RANBP2: variants seen among roughly 807,000 people sequenced by gnomAD.
RANBP2 encodes the protein RAN binding protein 2, also known as E3 SUMO-protein ligase RanBP2.
Under a neutral mutation model 303.6 loss-of-function variants are expected in RANBP2, and 57 were observed. That is an observed-to-expected ratio of 0.19 (90% CI 0.15 to 0.23). RANBP2 has a LOEUF of 0.23. Among genes scored for constraint, RANBP2 ranks in the 10% least tolerant of loss-of-function variants. The pLI is 1.00. For missense variants in RANBP2, 3,138 were observed against 3,780.8 expected (o/e 0.83, Z 4.46); for synonymous variants, 1,167 against 1,301.5 (o/e 0.90, Z 2.23).
At chr2:109,539,910 CTTGT>C in the RANBP2 span, among the ~76,000 whole-genome samples, 10 of 152,148 alleles carry the variant, frequency 6.6e-5, no homozygotes, top group African/African-American at 9.7e-5. Flanking sequence ...TGAACCACAA[CTTGT>C]TTATGTGTTC....
chr2:109,104,578 G>A, the RANBP2 span, among the ~76,000 whole-genome samples: 1 of 151,908 alleles, frequency 6.6e-6, no homozygotes, highest in Non-Finnish European at 1.5e-5. Context: ...CCGCCTCCCG[G>A]GTTCGTGCCA....
the RANBP2 span, among the ~76,000 whole-genome samples, chr2:109,057,725 G>A: frequency 6.6e-6 from 1 of 152,320 alleles, no homozygotes; most frequent in African/African-American, 2.4e-5. Context: ...TGAGGGGCCT[G>A]GCTCTGCAGG....
At chr2:109,412,219 A>G in the RANBP2 span, among the ~76,000 whole-genome samples, 7 of 152,276 alleles carry the variant, frequency 4.6e-5, no homozygotes, top group Admixed American at 2.0e-4. Flanking sequence ...GCCTCTGCCC[A>G]GCAGACAAAA....
In RANBP2 at chr2:108,777,349, T is replaced by TG. The variant is rs1282852508; in HGVS notation, c.8599+118_8599+119insG. ...GAAGTTTCTTCCCTTACCCCCCAGT[T>TG]TGTTTTAGTGTTTTAATAATGAAGG... On this transcript the variant is annotated intron_variant, in intron 25 of 28. Coordinates refer to ENST00000283195, the MANE Select transcript of RANBP2 (RefSeq NM_006267.5). 2,295 of 709,862 alleles carry TG rather than the reference T, an allele frequency of 3.2e-3. 83 individuals carry two copies. The South Asian group carries it at 0.036, about 11-fold the overall frequency. The allele number at this position is 709,862 out of a possible 1,614,324, so 44.0% of individuals were successfully genotyped here. A position where few individuals can be genotyped will look rare whatever the true frequency, so the allele number is the denominator to read the frequency against.
At chr2:109,727,245 A>G in the RANBP2 span, among the ~76,000 whole-genome samples, 3 of 152,242 alleles carry the variant, frequency 2.0e-5, no homozygotes, top group Non-Finnish European at 2.9e-5. Flanking sequence ...CTGTTTACCT[A>G]TGGGGTAGTC....
the RANBP2 span, among the ~76,000 whole-genome samples, chr2:109,465,820 C>T: frequency 6.6e-6 from 1 of 151,970 alleles, no homozygotes; most frequent in Non-Finnish European, 1.5e-5. Flanking sequence ...TTTAAACAAT[C>T]AGGTCTCATG....
the RANBP2 span, among the ~76,000 whole-genome samples, chr2:109,718,301 A>G: frequency 6.6e-6 from 1 of 152,234 alleles, no homozygotes; most frequent in Non-Finnish European, 1.5e-5. Flanking sequence ...ATAATAACCA[A>G]CAAGTGGAAA....
At chr2:109,501,360 T>G in the RANBP2 span, 1 of 502,782 alleles carries the variant, frequency 2.0e-6, no homozygotes, top group African/African-American at 1.9e-5. Flanking sequence ...TTGAAAAAAT[T>G]AAAAATAAAG....
At chr2:108,959,991 CA>C in the RANBP2 span, among the ~76,000 whole-genome samples, 1 of 152,224 alleles carries the variant, frequency 6.6e-6, no homozygotes, top group Non-Finnish European at 1.5e-5. Context: ...TGCTAGTCTG[CA>C]GCCACTCAGT....
chr2:109,454,690 TAGGATAGATCTTC>T, the RANBP2 span, among the ~76,000 whole-genome samples: 1 of 152,022 alleles, frequency 6.6e-6, no homozygotes, highest in East Asian at 1.9e-4. Context: ...TGAAACAGGG[TAGGATAGATCTTC>T]ATGGTGAGCA....
At chr2:109,683,370 T>C in the RANBP2 span, among the ~76,000 whole-genome samples, 1 of 152,174 alleles carries the variant, frequency 6.6e-6, no homozygotes, top group African/African-American at 2.4e-5. Flanking sequence ...GATTCTGCGG[T>C]GTGCACGGTG....
chr2:108,968,538 AG>A, the RANBP2 span, among the ~76,000 whole-genome samples: 3 of 152,182 alleles, frequency 2.0e-5, no homozygotes, highest in African/African-American at 7.2e-5. Context: ...GAAGGGTGGT[AG>A]GCATACTCAG....
At chr2:109,160,705 C>T in the RANBP2 span, among the ~76,000 whole-genome samples, 1 of 152,188 alleles carries the variant, frequency 6.6e-6, no homozygotes, top group Non-Finnish European at 1.5e-5. Flanking sequence ...AGGGGCTGTG[C>T]TCTCAGCCTG....
At chr2:109,622,147 A>C in the RANBP2 span, among the ~76,000 whole-genome samples, 217 of 152,256 alleles carry the variant, frequency 1.4e-3, no homozygotes, top group African/African-American at 4.7e-3. Flanking sequence ...TTTAACTCTC[A>C]TAATACCCCT....
At chr2:109,359,513 C>G in the RANBP2 span, among the ~76,000 whole-genome samples, 2 of 152,150 alleles carry the variant, frequency 1.3e-5, no homozygotes, top group Non-Finnish European at 2.9e-5. Context: ...TTAAGTATTT[C>G]ATTTGTACCT....
At chr2:108,947,421 C>T in the RANBP2 span, among the ~76,000 whole-genome samples, 1 of 152,134 alleles carries the variant, frequency 6.6e-6, no homozygotes, top group African/African-American at 2.4e-5. Flanking sequence ...CTAGGCAGTG[C>T]CCCAGTGGGG....
chr2:108,831,351 C>T, the RANBP2 span, among the ~76,000 whole-genome samples: 4 of 152,074 alleles, frequency 2.6e-5, no homozygotes, highest in East Asian at 5.8e-4. Flanking sequence ...TGAATGAGGA[C>T]CATTGTTACT....
At chr2:108,872,102 T>C in the RANBP2 span, among the ~76,000 whole-genome samples, 1 of 152,048 alleles carries the variant, frequency 6.6e-6, no homozygotes, top group East Asian at 1.9e-4. Context: ...GACTGAGTGG[T>C]TTTTAATCTC....
downstream of RANBP2, among the ~76,000 whole-genome samples, chr2:108,789,422 G>A (rs1348636817): frequency 1.3e-5 from 2 of 152,054 alleles, no homozygotes; most frequent in African/African-American, 4.8e-5. Context: ...GTGAAATCCC[G>A]TTTCTACTAA....
Sources: gnomAD v4.1 joint callset for allele counts (sites outside exome capture counted in the v4.1 genomes callset) on GRCh38, gnomAD v4.1.1 for gene constraint, MANE v1.5 for transcripts, NCBI Gene and HGNC (gene_info 2026-07-23, HGNC 2026-07-21) for gene names.